The following PDE1A variants were observed in gnomAD, a reference collection of about 807,000 sequenced individuals.
PDE1A encodes the protein dual specificity calcium/calmodulin-dependent 3',5'-cyclic nucleotide phosphodiesterase 1A.
In PDE1A, 35 loss-of-function variants were observed where a neutral mutation model predicts 61.7. That is an observed-to-expected ratio of 0.57 (90% CI 0.43 to 0.75). PDE1A has a LOEUF of 0.75. Among genes scored for constraint, PDE1A ranks in the 30% least tolerant of loss-of-function variants. The pLI is 0.00. For synonymous variants in PDE1A, 232 were observed against 213.2 expected, an observed-to-expected ratio of 1.09 and a Z score of -0.77; for missense variants, 597 against 630.6, an observed-to-expected ratio of 0.95 and a Z score of 0.57.
intron 2 of PDE1A, among the ~76,000 whole-genome samples, chr2:182,462,220 G>A (rs895038931): frequency 2.0e-5 from 3 of 151,648 alleles, no homozygotes; most frequent in African/African-American, 7.3e-5. Context: ...CGAGTTAATG[G>A]GTGCAGCACA....
intron 1 of PDE1A, among the ~76,000 whole-genome samples, chr2:182,389,303 T>C (rs572840939): frequency 1.2e-4 from 18 of 152,166 alleles, no homozygotes; most frequent in South Asian, 6.2e-4. Context: ...AGACAACCTA[T>C]AGAATGAGAG....
chr2:182,612,832 T>A, the PDE1A span, among the ~76,000 whole-genome samples: 1 of 152,182 alleles, frequency 6.6e-6, no homozygotes, highest in Non-Finnish European at 1.5e-5. Context: ...TTTATAAACT[T>A]TTCCTCTGAG....
chr2:182,160,793 T>C (rs1408092382), intron 13 of PDE1A, among the ~76,000 whole-genome samples: 1 of 152,164 alleles, frequency 6.6e-6, no homozygotes, highest in Non-Finnish European at 1.5e-5. Flanking sequence ...TCATGTATAT[T>C]CTATTGGTTC....
the PDE1A span, among the ~76,000 whole-genome samples, chr2:182,614,044 G>A: frequency 6.6e-6 from 1 of 152,240 alleles, no homozygotes; most frequent in African/African-American, 2.4e-5. Context: ...AAGCTGTGCA[G>A]TGCCCAAAAG....
chr2:182,415,958 C>A (rs926802776), intron 1 of PDE1A, among the ~76,000 whole-genome samples: 1 of 152,122 alleles, frequency 6.6e-6, no homozygotes, highest in Non-Finnish European at 1.5e-5. Context: ...GTTCTCCTAA[C>A]ATATTTGTCA....
intron 2 of PDE1A, among the ~76,000 whole-genome samples, chr2:182,466,516 A>T (rs566631330): frequency 6.6e-6 from 1 of 152,092 alleles, no homozygotes; most frequent in South Asian, 2.1e-4. Context: ...GTATAGTAAC[A>T]TAAGTCCACG....
chr2:182,544,621 C>T, the PDE1A span, among the ~76,000 whole-genome samples: 1 of 152,142 alleles, frequency 6.6e-6, no homozygotes, highest in African/African-American at 2.4e-5. Flanking sequence ...TTCTTTTCCA[C>T]TCACCTTCCC....
chr2:182,261,648 A>T (rs1269515573), intron 2 of PDE1A, among the ~76,000 whole-genome samples: 1 of 152,170 alleles, frequency 6.6e-6, no homozygotes, highest in Non-Finnish European at 1.5e-5. Context: ...TTTTCAAATG[A>T]AAAAGGGCTA....
At chr2:182,522,547 C>A in intron 1 of PDE1A, 1 of 1,435,758 alleles carries the variant, frequency 7.0e-7, no homozygotes, top group Non-Finnish European at 9.1e-7. Context: ...TTGACTTTGA[C>A]AGGCATATAT....
At chr2:182,580,476 CCTG>C in the PDE1A span, among the ~76,000 whole-genome samples, 1 of 152,096 alleles carries the variant, frequency 6.6e-6, no homozygotes, top group African/African-American at 2.4e-5. Context: ...TTAGTGCCCA[CCTG>C]CTCACTTCAT....
intron 2 of PDE1A, among the ~76,000 whole-genome samples, chr2:182,515,994 G>GTGTGTGTGTGTGTGTGTA (rs57935552): frequency 5.5e-5 from 8 of 145,806 alleles, no homozygotes; most frequent in Non-Finnish European, 1.1e-4. Flanking sequence ...GTGTGTGTGT[G>GTGTGTGTGTGTGTGTGTA]TGTGTGTGTT....
downstream of PDE1A, among the ~76,000 whole-genome samples, chr2:182,145,716 G>A (rs536996311): frequency 1.6e-4 from 25 of 152,184 alleles, no homozygotes; most frequent in East Asian, 5.8e-4. Flanking sequence ...GCAACAGAGC[G>A]AGACTCGGTC....
chr2:182,526,758 A>G (rs1690778750), upstream of PDE1A, among the ~76,000 whole-genome samples: 1 of 152,220 alleles, frequency 6.6e-6, no homozygotes, highest in Non-Finnish European at 1.5e-5. Flanking sequence ...GAATCCTGAA[A>G]CACACCTCTT....
intron 2 of PDE1A, among the ~76,000 whole-genome samples, chr2:182,447,118 TACACACACAC>T (rs143408471): frequency 6.7e-6 from 1 of 149,304 alleles, no homozygotes; most frequent in Non-Finnish European, 1.5e-5. Flanking sequence ...TTTTTTCACT[TACACACACAC>T]ACACACACAC....
chr2:182,569,367 T>C, the PDE1A span, among the ~76,000 whole-genome samples: 2 of 152,170 alleles, frequency 1.3e-5, no homozygotes, highest in East Asian at 3.9e-4. Context: ...GTATAAATTC[T>C]CTACTCTAGC....
At chr2:182,628,867 T>C in the PDE1A span, among the ~76,000 whole-genome samples, 1 of 152,164 alleles carries the variant, frequency 6.6e-6, no homozygotes, top group Admixed American at 6.5e-5. Context: ...CTTGGATAAG[T>C]GGGACATGCA....
chr2:182,564,287 A>T, the PDE1A span, among the ~76,000 whole-genome samples: 1 of 152,030 alleles, frequency 6.6e-6, no homozygotes, highest in African/African-American at 2.4e-5. Flanking sequence ...TTGTCTGTAA[A>T]GTATTTTATT....
intron 1 of PDE1A, among the ~76,000 whole-genome samples, chr2:182,395,617 G>A (rs1043047320): frequency 4.6e-5 from 7 of 152,160 alleles, no homozygotes; most frequent in African/African-American, 1.7e-4. Flanking sequence ...TTTACTGAGC[G>A]ACCTGAAGTG....
intron 1 of PDE1A, among the ~76,000 whole-genome samples, chr2:182,389,713 T>C (rs1308497505): frequency 6.6e-6 from 1 of 152,164 alleles, no homozygotes; most frequent in African/African-American, 2.4e-5. Flanking sequence ...TGTGAGGGTG[T>C]TGCCAAAGGA....
Sources: gnomAD v4.1 joint callset for allele counts (sites outside exome capture counted in the v4.1 genomes callset) on GRCh38, gnomAD v4.1.1 for gene constraint, MANE v1.5 for transcripts, NCBI Gene and HGNC (gene_info 2026-07-23, HGNC 2026-07-21) for gene names.